PATJ: variants seen among roughly 807,000 people sequenced by gnomAD.
PATJ encodes the protein inaD-like protein.
Under a neutral mutation model 224.9 loss-of-function variants are expected in PATJ, and 190 were observed. The ratio of observed to expected loss-of-function variants is 0.84; its 90% CI spans 0.75 to 0.95. The LOEUF is 0.95. Among genes scored for constraint, PATJ ranks in the 40% least tolerant of loss-of-function variants. The probability of loss-of-function intolerance (pLI) is 0.00; values close to 1 mark genes in which losing one functional copy is unlikely to be tolerated. For missense variants in PATJ, 2,121 were observed against 2,270.3 expected (o/e 0.93, Z 1.34); for synonymous variants, 769 against 820.3 (o/e 0.94, Z 1.07).
intron 22 of PATJ, among the ~76,000 whole-genome samples, chr1:61,888,836 A>T (rs993480314): frequency 1.3e-5 from 2 of 152,228 alleles, no homozygotes; most frequent in Non-Finnish European, 2.9e-5. Flanking sequence ...TTTCAAAATG[A>T]GTATTTGACA....
chr1:62,047,992 C>T (rs1466616941), intron 30 of PATJ, among the ~76,000 whole-genome samples: 4 of 152,134 alleles, frequency 2.6e-5, no homozygotes, highest in East Asian at 3.9e-4. Context: ...AAAGGAAGAA[C>T]GAGAGAGAAA....
At chr1:61,883,077 C>G (rs1006977201) in intron 21 of PATJ, among the ~76,000 whole-genome samples, 1 of 152,144 alleles carries the variant, frequency 6.6e-6, no homozygotes, top group Non-Finnish European at 1.5e-5. Flanking sequence ...CATGTTTCAA[C>G]ATATGATCTA....
intron 33 of PATJ, among the ~76,000 whole-genome samples, chr1:62,092,253 GC>G (rs1395828680): frequency 6.6e-6 from 1 of 151,768 alleles, no homozygotes; most frequent in Non-Finnish European, 1.5e-5. Context: ...GGTGGCATGT[GC>G]CTGTAGTCCC....
intron 22 of PATJ, among the ~76,000 whole-genome samples, chr1:61,885,262 T>C (rs1668652002): frequency 1.3e-5 from 2 of 151,736 alleles, no homozygotes; most frequent in Admixed American, 1.3e-4. Flanking sequence ...TGGGAGAAAA[T>C]TTTCGCAACC....
rs992999193 is a variant in PATJ at position 61,919,294 on chromosome 1, G to C, written c.3570+4630G>C. Among the ~76,000 whole-genome samples, 33 of 150,598 alleles carry C rather than the reference G, an allele frequency of 2.2e-4. 1 individual carries two copies. Among genetic ancestry groups the C allele is most frequent in the Non-Finnish European group, 4.1e-4 (28 of 67,724 alleles). On this transcript the variant is annotated intron_variant, in intron 26 of 43. Coordinates refer to ENST00000642238, the MANE Select transcript of PATJ (RefSeq NM_001350145.3). ...TTCTTGTCTAAAATAATCATTTAAGGTTATAAATTTTTTCTTTCTTTTTCT... is the reference window on the plus strand; with the variant it reads ...TTCTTGTCTAAAATAATCATTTAAGCTTATAAATTTTTTCTTTCTTTTTCT...
chr1:61,824,256 GGTCTTGCTATGTT>G (rs1657815321), intron 15 of PATJ, among the ~76,000 whole-genome samples: 1 of 151,002 alleles, frequency 6.6e-6, no homozygotes, highest in African/African-American at 2.4e-5. Context: ...TTCGAGACGG[GGTCTTGCTATGTT>G]GCCCAAGCTG....
rs1043105674 is a variant in PATJ at position 62,114,564 on chromosome 1, GA to G, written c.4655+321del. On this transcript the variant is annotated intron_variant, in intron 35 of 43. Coordinates refer to ENST00000642238, the MANE Select transcript of PATJ (RefSeq NM_001350145.3). ...GGTTGATTAAAGCAACCATACCCAA[GA>G]AATAGCTAGCATCAAGAATGAGATT... is the stretch of plus-strand genomic sequence containing the variant. 3.0e-4 allele frequency: 66 copies of G among 222,060 alleles called. 1 individual carries two copies. The highest frequency in any genetic ancestry group is 1.4e-3 in the African/African-American group (60 of 43,150). 13.8% of individuals were successfully genotyped at this position (222,060 alleles called of 1,614,324 possible). A position where few individuals can be genotyped will look rare whatever the true frequency, so the allele number is the denominator to read the frequency against.
chr1:61,929,179 C>T (rs1243891466), intron 27 of PATJ, among the ~76,000 whole-genome samples: 2 of 152,196 alleles, frequency 1.3e-5, no homozygotes, highest in Non-Finnish European at 2.9e-5. Flanking sequence ...GATATCATGT[C>T]AGCTGCCACG....
At chr1:61,860,572 C>T (rs537542408) in intron 18 of PATJ, among the ~76,000 whole-genome samples, 1 of 152,192 alleles carries the variant, frequency 6.6e-6, no homozygotes, top group African/African-American at 2.4e-5. Flanking sequence ...GCCTGTAGTC[C>T]CAGCACTTTG....
At chr1:61,858,080 TA>T (rs1663976381) in intron 18 of PATJ, among the ~76,000 whole-genome samples, 1 of 152,140 alleles carries the variant, frequency 6.6e-6, no homozygotes. Flanking sequence ...GGACAATTTG[TA>T]AGAAAGAGGT....
chr1:61,931,330 T>C (rs1204972450), intron 27 of PATJ, among the ~76,000 whole-genome samples: 1 of 152,102 alleles, frequency 6.6e-6, no homozygotes, highest in African/African-American at 2.4e-5. Flanking sequence ...GTTTAAATAG[T>C]GATAAGGACT....
chr1:61,986,571 C>T (rs561208032), intron 27 of PATJ, among the ~76,000 whole-genome samples: 7 of 152,142 alleles, frequency 4.6e-5, no homozygotes, highest in African/African-American at 9.7e-5. Flanking sequence ...AGGCGCGTGC[C>T]GCTATGCTGG....
At chr1:62,010,057 T>TC (rs1646341213) in intron 28 of PATJ, among the ~76,000 whole-genome samples, 2 of 109,010 alleles carry the variant, frequency 1.8e-5, no homozygotes, top group East Asian at 4.6e-4. Flanking sequence ...CACTCCAGCC[T>TC]GGGGGAGTGA....
intron 25 of PATJ, among the ~76,000 whole-genome samples, chr1:61,912,869 GT>G (rs1672896296): frequency 6.6e-6 from 1 of 152,154 alleles, no homozygotes; most frequent in South Asian, 2.1e-4. Flanking sequence ...GAGGCAAAGT[GT>G]TTTGTTTAAG....
At position 61,897,068 on chromosome 1, in the gene PATJ, C is replaced by T. The variant is rs1006526456; in HGVS notation, c.3132-2515C>T. Among the ~76,000 whole-genome samples, 200 of 146,760 alleles carry T rather than the reference C, an allele frequency of 1.4e-3. 1 individual carries two copies. Among genetic ancestry groups the T allele is most frequent in the African/African-American group, 4.8e-3 (194 of 40,238 alleles). ...TATTAAGGTACTAGTAAATAAAAAACGATGAAGGTAATGATACTATGTGGG... is the reference window on the plus strand; with the variant it reads ...TATTAAGGTACTAGTAAATAAAAAATGATGAAGGTAATGATACTATGTGGG... On this transcript the variant is annotated intron_variant, in intron 22 of 43. Transcript: ENST00000642238.
chr1:61,972,419 C>G (rs1370756129), intron 27 of PATJ, among the ~76,000 whole-genome samples: 1 of 151,944 alleles, frequency 6.6e-6, no homozygotes, highest in Non-Finnish European at 1.5e-5. Context: ...TCTCATAATA[C>G]TATTTTTAAG....
At chr1:62,143,896 C>T (rs1667753701) in intron 41 of PATJ, among the ~76,000 whole-genome samples, 1 of 151,956 alleles carries the variant, frequency 6.6e-6, no homozygotes. Flanking sequence ...GAAACAGGCC[C>T]CTGCAGAAGG....
chr1:62,127,920 G>A (rs1558207661), intron 39 of PATJ, 52 bp from the exon 40 acceptor site: 7 of 1,601,206 alleles, frequency 4.4e-6, no homozygotes, highest in Non-Finnish European at 6.0e-6. Context: ...GGGATAGTCA[G>A]TTTGTGGCTC....
chr1:62,109,965 T>C (rs1663600937), intron 34 of PATJ, among the ~76,000 whole-genome samples: 1 of 152,234 alleles, frequency 6.6e-6, no homozygotes, highest in Non-Finnish European at 1.5e-5. Context: ...AGCTGCTCTC[T>C]TCTATAAAGT....
Sources: gnomAD v4.1 joint callset for allele counts (sites outside exome capture counted in the v4.1 genomes callset) on GRCh38, gnomAD v4.1.1 for gene constraint, MANE v1.5 for transcripts, NCBI Gene and HGNC (gene_info 2026-07-23, HGNC 2026-07-21) for gene names.